Variants in ADGB observed in about 807,000 individuals in gnomAD.
ADGB encodes calpain-7-like protein.
A neutral mutation model predicts 210.5 loss-of-function variants in ADGB; 172 were observed. The observed-to-expected ratio is 0.82, with a 90% CI of 0.72 to 0.93. ADGB has a LOEUF of 0.93. Among genes scored for constraint, ADGB ranks in the 40% least tolerant of loss-of-function variants. The pLI is 0.00. For synonymous variants in ADGB, 658 were observed against 662.7 expected (o/e 0.99, Z 0.11); for missense variants, 2,025 against 1,964.8 (o/e 1.03, Z -0.58).
chr6:146,610,760 T>TG (rs1460226980), intron 1 of ADGB, among the ~76,000 whole-genome samples: 1 of 152,020 alleles, frequency 6.6e-6, no homozygotes, highest in Non-Finnish European at 1.5e-5. Flanking sequence ...AACACTCCAA[T>TG]GGGGGGTGGT....
chr6:146,797,624 G>A (rs565524326), intron 33 of ADGB, among the ~76,000 whole-genome samples: 1 of 152,228 alleles, frequency 6.6e-6, no homozygotes, highest in South Asian at 2.1e-4. Flanking sequence ...CAGCAACCTG[G>A]ATGCAGTTGG....
intron 20 of ADGB, among the ~76,000 whole-genome samples, chr6:146,731,057 G>A (rs778885360): frequency 6.6e-6 from 1 of 152,156 alleles, no homozygotes; most frequent in Non-Finnish European, 1.5e-5. Context: ...GGATGTGGGG[G>A]AGCAACCTCT....
At chr6:146,695,398 G>A (rs1583593943) in intron 12 of ADGB, among the ~76,000 whole-genome samples, 1 of 151,786 alleles carries the variant, frequency 6.6e-6, no homozygotes, top group South Asian at 2.1e-4. Flanking sequence ...TATGGGCTTT[G>A]TATCTACACT....
At chr6:146,614,832 A>G (rs1364149403) in intron 1 of ADGB, among the ~76,000 whole-genome samples, 4 of 152,204 alleles carry the variant, frequency 2.6e-5, no homozygotes, top group Non-Finnish European at 5.9e-5. Context: ...GCTTATAATC[A>G]TGGCAGAATG....
intron 13 of ADGB, among the ~76,000 whole-genome samples, chr6:146,710,099 A>G (rs900436278): frequency 8.6e-5 from 13 of 151,068 alleles, no homozygotes; most frequent in African/African-American, 3.1e-4. Flanking sequence ...CTTAAGCCAG[A>G]TATAGAAATC....
chr6:146,756,888 C>T (rs1051943177), intron 27 of ADGB, among the ~76,000 whole-genome samples: 1 of 151,768 alleles, frequency 6.6e-6, no homozygotes, highest in Non-Finnish European at 1.5e-5. Flanking sequence ...ACACCACACC[C>T]GGCTAATTTT....
intron 12 of ADGB, among the ~76,000 whole-genome samples, chr6:146,696,759 A>G (rs1389226013): frequency 1.3e-5 from 2 of 152,162 alleles, no homozygotes; most frequent in African/African-American, 4.8e-5. Flanking sequence ...AGCTGGTGAG[A>G]GATTAAAGGT....
chr6:146,750,019 T>C (rs964021293), intron 26 of ADGB, among the ~76,000 whole-genome samples: 1 of 152,034 alleles, frequency 6.6e-6, no homozygotes, highest in Admixed American at 6.6e-5. Flanking sequence ...AGCCAAACCA[T>C]ATCACCGGTG....
At chr6:146,768,509 C>T (rs1777607388) in intron 28 of ADGB, among the ~76,000 whole-genome samples, 1 of 151,976 alleles carries the variant, frequency 6.6e-6, no homozygotes, top group South Asian at 2.1e-4. Context: ...GTAGGTTGTA[C>T]TAGGAAAATT....
At chr6:146,729,551 T>C (rs1048520087) in intron 20 of ADGB, among the ~76,000 whole-genome samples, 9 of 152,012 alleles carry the variant, frequency 5.9e-5, no homozygotes, top group African/African-American at 2.2e-4. Context: ...CCTCCTGTCT[T>C]ACCCTCCCAA....
intron 16 of ADGB, 144 bp downstream of exon 16, chr6:146,717,743 A>G: frequency 2.3e-6 from 1 of 435,814 alleles, no homozygotes; most frequent in Non-Finnish European, 4.1e-6. Flanking sequence ...TCTCTCACTA[A>G]TCCTTATCCA....
At chr6:146,715,509 C>T (rs1384222886) in intron 14 of ADGB, 94 bp downstream of exon 14, 3 of 817,336 alleles carry the variant, frequency 3.7e-6, no homozygotes, top group South Asian at 2.1e-5. Flanking sequence ...TGGCTCTCAG[C>T]AGCCTTTCTT....
At chr6:146,778,106 T>C (rs1487918650) in intron 29 of ADGB, among the ~76,000 whole-genome samples, 2 of 152,200 alleles carry the variant, frequency 1.3e-5, no homozygotes, top group African/African-American at 4.8e-5. Flanking sequence ...GATTGGCTTA[T>C]CTAAAGTGGG....
chr6:146,706,278 T>A (rs1161086710), intron 13 of ADGB, among the ~76,000 whole-genome samples: 1 of 151,130 alleles, frequency 6.6e-6, no homozygotes, highest in Non-Finnish European at 1.5e-5. Context: ...TTTTCTTTTT[T>A]GAGATGGAGT....
chr6:146,666,998 TC>T (rs1162042976), intron 7 of ADGB, 96 bp downstream of exon 7: 1 of 979,810 alleles, frequency 1.0e-6, no homozygotes, highest in Admixed American at 2.7e-5. Context: ...TCAAGAAAGG[TC>T]ATGTTTTGCA....
chr6:146,690,096 T>G (rs1248859203), intron 10 of ADGB, among the ~76,000 whole-genome samples: 1 of 152,170 alleles, frequency 6.6e-6, no homozygotes, highest in African/African-American at 2.4e-5. Flanking sequence ...TTAAAATTAT[T>G]ATCCTGATCT....
chr6:146,685,988 A>G (rs565395225), intron 10 of ADGB, among the ~76,000 whole-genome samples, 160 bp downstream of exon 10: 5 of 152,166 alleles, frequency 3.3e-5, no homozygotes, highest in Non-Finnish European at 7.4e-5. Context: ...ACTCGACCTA[A>G]GGCATCTGAC....
intron 6 of ADGB, 113 bp downstream of exon 6, chr6:146,664,453 C>T: frequency 8.7e-7 from 1 of 1,142,944 alleles, no homozygotes; most frequent in Non-Finnish European, 1.2e-6. Context: ...CAGCTTTTTC[C>T]CCTAAACAAT....
rs1777147003 is a variant in ADGB at position 146,740,360 on chromosome 6, C to T, written c.2889-99C>T. ...TCTCAATCTAGCCAACAATGACTTG[C>T]AATATCTTATACTATTTTTTGTCAT... On this transcript the variant is annotated intron_variant, in intron 23 of 35. Coordinates refer to ENST00000397944, the MANE Select transcript of ADGB (RefSeq NM_024694.4). The T allele has an allele frequency of 7.5e-6, 8 of 1,071,100 alleles. No individual in the cohort carries two copies. In the East Asian group the frequency reaches 1.3e-4, roughly 18 times the overall value. 66.3% of individuals were successfully genotyped at this position (1,071,100 alleles called of 1,614,324 possible).
Sources: gnomAD v4.1 joint callset for allele counts (sites outside exome capture counted in the v4.1 genomes callset) on GRCh38, gnomAD v4.1.1 for gene constraint, MANE v1.5 for transcripts, NCBI Gene and HGNC (gene_info 2026-07-23, HGNC 2026-07-21) for gene names.